TAFA4: variants seen among roughly 807,000 people sequenced by gnomAD.
TAFA4 encodes TAFA chemokine like family member 4, also known as chemokine-like protein TAFA-4.
Under a neutral mutation model 21.1 loss-of-function variants are expected in TAFA4, and 20 were observed. The ratio of observed to expected loss-of-function variants is 0.95; its 90% CI spans 0.67 to 1.38. The LOEUF is 1.38. TAFA4 is among the 40% of genes most tolerant of loss of function. TAFA4 has a pLI of 0.00. For missense variants in TAFA4, 211 were observed against 180.9 expected, an observed-to-expected ratio of 1.17 and a Z score of -0.95; for synonymous variants, 71 against 67.4, an observed-to-expected ratio of 1.05 and a Z score of -0.26.
At chr3:68,807,691 T>C (rs1382336795) in intron 3 of TAFA4, among the ~76,000 whole-genome samples, 1 of 152,212 alleles carries the variant, frequency 6.6e-6, no homozygotes, top group Non-Finnish European at 1.5e-5. Flanking sequence ...CTATTAAAGT[T>C]AGGAGTGCCA....
At chr3:68,829,142 C>G (rs1161017962) in intron 3 of TAFA4, among the ~76,000 whole-genome samples, 1 of 152,162 alleles carries the variant, frequency 6.6e-6, no homozygotes, top group Non-Finnish European at 1.5e-5. Flanking sequence ...TACCTGACTT[C>G]AAACTATACT....
chr3:68,808,524 C>G (rs1215393594), intron 3 of TAFA4, among the ~76,000 whole-genome samples: 1 of 152,164 alleles, frequency 6.6e-6, no homozygotes, highest in Non-Finnish European at 1.5e-5. Flanking sequence ...CCACCATAGC[C>G]TACTTTTTTT....
chr3:68,867,545 G>A (rs1489737843), intron 3 of TAFA4, among the ~76,000 whole-genome samples: 1 of 152,030 alleles, frequency 6.6e-6, no homozygotes, highest in African/African-American at 2.4e-5. Context: ...TCCTAATACT[G>A]TAATTACAGT....
chr3:68,922,701 G>T (rs1005711631), intron 1 of TAFA4, among the ~76,000 whole-genome samples: 1 of 152,160 alleles, frequency 6.6e-6, no homozygotes, highest in East Asian at 1.9e-4. Flanking sequence ...AAAATCTCTC[G>T]AAGAAACGGT....
chr3:68,800,786 T>C lies in TAFA4; in HGVS notation c.131-47768A>G, dbSNP rs533893738. Among the ~76,000 whole-genome samples, 11 of 152,314 alleles carry C rather than the reference T, an allele frequency of 7.2e-5. No homozygotes were observed. The South Asian group carries it at 2.3e-3, about 32-fold the overall frequency. On this transcript the variant is annotated intron_variant, in intron 3 of 5. Transcript: ENST00000295569. ...AAAGAAAGTCAAGTTCTTCTACGTG[T>C]GCATATTCCACAAATTTAATAAGAA... is the stretch of plus-strand genomic sequence containing the variant.
intron 3 of TAFA4, among the ~76,000 whole-genome samples, chr3:68,794,230 T>C (rs1282036486): frequency 6.6e-6 from 1 of 152,172 alleles, no homozygotes; most frequent in African/African-American, 2.4e-5. Context: ...ACTACTCCAA[T>C]TAATTTGTGT....
At chr3:68,749,929 G>A (rs1702530750) in intron 4 of TAFA4, among the ~76,000 whole-genome samples, 1 of 151,940 alleles carries the variant, frequency 6.6e-6, no homozygotes, top group Admixed American at 6.6e-5. Context: ...ATCACATATA[G>A]ATATCTATCT....
At position 68,885,360 on chromosome 3, in the gene TAFA4, G is replaced by A; in HGVS notation, c.-122-50C>T. ...AAAAGGAATCAATTAGCATTTTAATGTTAAAATGAAACTAATTTCCAGTAG... is the reference window on the plus strand; with the variant it reads ...AAAAGGAATCAATTAGCATTTTAATATTAAAATGAAACTAATTTCCAGTAG... On this transcript the variant is annotated intron_variant, in intron 1 of 5. Coordinates refer to ENST00000295569, the MANE Select transcript of TAFA4 (RefSeq NM_182522.5). The A allele has an allele frequency of 5.1e-6, 3 of 587,452 alleles. No individual in the cohort carries two copies. The South Asian group carries it at 7.0e-5, about 14-fold the overall frequency. 36.4% of individuals were successfully genotyped at this position (587,452 alleles called of 1,614,324 possible).
At chr3:68,898,681 C>T (rs1321196255) in intron 1 of TAFA4, among the ~76,000 whole-genome samples, 12 of 152,122 alleles carry the variant, frequency 7.9e-5, no homozygotes, top group Non-Finnish European at 1.5e-4. Context: ...CAGATGTGTA[C>T]TCTGGGTCAA....
chr3:68,760,575 C>T lies in TAFA4; in HGVS notation c.131-7557G>A, dbSNP rs553424503. ...AGAAGTCTCACACTCCACTGATCTT[C>T]TTAGAAGGCATCTGTTTGATTTGAG... On this transcript the variant is annotated intron_variant, in intron 3 of 5. Coordinates refer to ENST00000295569, the MANE Select transcript of TAFA4 (RefSeq NM_182522.5). 1.1e-4 allele frequency among the ~76,000 whole-genome samples: 17 copies of T among 152,276 alleles called. No homozygotes were observed. The East Asian group carries it at 3.3e-3, about 29-fold the overall frequency.
At chr3:68,859,614 T>C (rs1362574368) in intron 3 of TAFA4, among the ~76,000 whole-genome samples, 1 of 152,140 alleles carries the variant, frequency 6.6e-6, no homozygotes, top group Non-Finnish European at 1.5e-5. Context: ...AGTTGGTTAA[T>C]GGACTGAGAC....
intron 3 of TAFA4, among the ~76,000 whole-genome samples, chr3:68,820,920 G>C (rs968187761): frequency 6.6e-6 from 1 of 152,070 alleles, no homozygotes; most frequent in African/African-American, 2.4e-5. Context: ...AAAATGCAAA[G>C]AATTTTGTTT....
chr3:68,897,623 T>C (rs1575663205), intron 1 of TAFA4, among the ~76,000 whole-genome samples: 1 of 142,058 alleles, frequency 7.0e-6, no homozygotes, highest in African/African-American at 2.6e-5. Context: ...CGAAACTCCA[T>C]CTCAAAAAAA....
intron 3 of TAFA4, among the ~76,000 whole-genome samples, chr3:68,827,002 A>G (rs944521430): frequency 3.3e-5 from 5 of 151,970 alleles, no homozygotes; most frequent in East Asian, 1.9e-4. Context: ...CCTCATTTAC[A>G]TTAGGTATTT....
At chr3:68,931,401 A>C (rs1416981543) in intron 1 of TAFA4, among the ~76,000 whole-genome samples, 1 of 152,078 alleles carries the variant, frequency 6.6e-6, no homozygotes, top group South Asian at 2.1e-4. Flanking sequence ...GGAGCCCCTA[A>C]ACGTTAAATG....
intron 3 of TAFA4, among the ~76,000 whole-genome samples, chr3:68,848,393 GTCTTGCTTTCATTTTT>G (rs1704861051): frequency 6.6e-6 from 1 of 152,136 alleles, no homozygotes; most frequent in African/African-American, 2.4e-5. Flanking sequence ...AAAAATGATG[GTCTTGCTTTCATTTTT>G]TAGTTCTTTA....
chr3:68,745,977 A>C (rs957754221), intron 4 of TAFA4, among the ~76,000 whole-genome samples: 11 of 152,166 alleles, frequency 7.2e-5, no homozygotes, highest in Non-Finnish European at 1.6e-4. Flanking sequence ...GGAAAGGCAG[A>C]CCCACCCTTA....
At chr3:68,865,934 C>CA (rs892244358) in intron 3 of TAFA4, among the ~76,000 whole-genome samples, 6 of 151,968 alleles carry the variant, frequency 3.9e-5, no homozygotes, top group African/African-American at 1.5e-4. Context: ...GCACCATGTG[C>CA]AAAAAAATTC....
intron 3 of TAFA4, among the ~76,000 whole-genome samples, chr3:68,790,258 C>T (rs1703337455): frequency 6.6e-6 from 1 of 150,472 alleles, no homozygotes; most frequent in Non-Finnish European, 1.5e-5. Flanking sequence ...CATTTTAAGC[C>T]CTAGAGCAAT....
Sources: gnomAD v4.1 joint callset for allele counts (sites outside exome capture counted in the v4.1 genomes callset) on GRCh38, gnomAD v4.1.1 for gene constraint, MANE v1.5 for transcripts, NCBI Gene and HGNC (gene_info 2026-07-23, HGNC 2026-07-21) for gene names.